The following NDUFA13 variants were observed in gnomAD, a reference collection of about 807,000 sequenced individuals.
The protein encoded by NDUFA13 is NADH:ubiquinone oxidoreductase subunit A13, also known as NADH dehydrogenase [ubiquinone] 1 alpha subcomplex subunit 13.
In NDUFA13, 16 loss-of-function variants were observed where a neutral mutation model predicts 17.0. That is an observed-to-expected ratio of 0.94 (90% CI 0.64 to 1.43). The LOEUF (loss-of-function observed/expected upper bound fraction) is 1.43, where lower values mean the gene tolerates loss of function less well. Among genes scored for constraint, NDUFA13 ranks in the 40% most tolerant of loss-of-function variants. NDUFA13 has a pLI of 0.00. For missense variants in NDUFA13, 228 were observed against 206.7 expected (o/e 1.10, Z -0.63); for synonymous variants, 87 against 78.4 (o/e 1.11, Z -0.58).
chr19:19,527,162 G>GCCGCCCCCC, intron 2 of NDUFA13, 119 bp from the exon 3 acceptor site: 1 of 837,466 alleles, frequency 1.2e-6, no homozygotes, highest in Non-Finnish European at 1.8e-6. Context: ...CCCCCTGCCT[G>GCCGCCCCCC]CCTCCCCGCC....
intron 2 of NDUFA13, 194 bp downstream of exon 2, chr19:19,526,454 A>T: frequency 3.0e-6 from 2 of 656,308 alleles, no homozygotes; most frequent in Non-Finnish European, 2.7e-6. Context: ...AGATGTCTCC[A>T]TGTCTGCAAT....
At chr19:19,517,217 G>A (rs571884458) in intron 1 of NDUFA13, among the ~76,000 whole-genome samples, 18 of 151,762 alleles carry the variant, frequency 1.2e-4, no homozygotes, top group Non-Finnish European at 2.6e-4. Flanking sequence ...ACTTTTAAAC[G>A]TAATCTAAGA....
In NDUFA13 at chr19:19,528,077, C is replaced by G. The variant is rs1162860197; in HGVS notation, c.386C>G (p.Thr129Ser). The G allele has an allele frequency of 6.2e-7, 1 of 1,612,046 alleles. No individual in the cohort carries two copies. The highest frequency in any genetic ancestry group is 1.7e-5 in the Admixed American group (1 of 59,986). ...ATCGGGGAGCTGTACGGGCTGCGCA[C>G]CACAGAGGAGGCTCTCCATGCCAGC... is the stretch of plus-strand genomic sequence containing the variant. ...PLIGELYGLR[T>S]TEEALHASHG... The change falls in exon 5 of 5, where the codon ACC (threonine) becomes AGC (serine). Residue 129 changes from threonine (T) to serine (S), a missense_variant. Transcript: ENST00000507754.
At chr19:19,521,641 C>T (rs1052166353) in intron 1 of NDUFA13, among the ~76,000 whole-genome samples, 5 of 12,316 alleles carry the variant, frequency 4.1e-4, no homozygotes, top group South Asian at 1.8e-3. Flanking sequence ...CTTGCTCTGT[C>T]GCCCGGGCTG....
intron 1 of NDUFA13, among the ~76,000 whole-genome samples, chr19:19,523,655 G>A (rs1191512114): frequency 3.9e-5 from 6 of 152,166 alleles, no homozygotes; most frequent in Admixed American, 2.6e-4. Context: ...GGCCGGGCAT[G>A]GTGGCTCATG....
At chr19:19,516,749 C>T (rs1201492556) in intron 1 of NDUFA13, among the ~76,000 whole-genome samples, 1 of 152,192 alleles carries the variant, frequency 6.6e-6, no homozygotes, top group East Asian at 1.9e-4. Context: ...TGGCAGCCCC[C>T]GCCTGCATGG....
chr19:19,527,807 G>T (rs746796880), intron 4 of NDUFA13, 37 bp downstream of exon 4: 2 of 1,541,688 alleles, frequency 1.3e-6, no homozygotes, highest in Non-Finnish European at 1.8e-6. Flanking sequence ...TGCCAGCCAC[G>T]GCAGAGACAG....
rs2061048925 is a variant in NDUFA13 at position 19,516,396 on chromosome 19, G to A, written c.94+64G>A. 2.6e-6 allele frequency: 4 copies of A among 1,556,736 alleles called. No homozygotes were observed. In the African/African-American group the frequency reaches 4.1e-5, roughly 16 times the overall value. On this transcript the variant is annotated intron_variant, in intron 1 of 4. Transcript: ENST00000507754. Reference sequence around the variant, plus strand: ...ACTCGGGGCTCGGGGGCGGGGTTCCGGGGACACAGGCGGGCCTCAGTTTTC... The same window carrying A: ...ACTCGGGGCTCGGGGGCGGGGTTCCAGGGACACAGGCGGGCCTCAGTTTTC...
chr19:19,524,148 C>G (rs1185530834), intron 1 of NDUFA13, among the ~76,000 whole-genome samples: 1 of 152,164 alleles, frequency 6.6e-6, no homozygotes, highest in Non-Finnish European at 1.5e-5. Flanking sequence ...TCCACACACC[C>G]TTTTGTGCGT....
intron 1 of NDUFA13, among the ~76,000 whole-genome samples, chr19:19,521,602 T>C (rs1248686694): frequency 6.6e-6 from 1 of 152,290 alleles, no homozygotes; most frequent in Non-Finnish European, 1.5e-5. Context: ...TTTTGTTTGT[T>C]TGTTCGTTTG....
intron 1 of NDUFA13, 148 bp downstream of exon 1, chr19:19,516,480 A>C: frequency 1.2e-6 from 1 of 860,046 alleles, no homozygotes; most frequent in South Asian, 1.4e-5. Context: ...TAATAACGCT[A>C]AGTGCTGCAG....
At chr19:19,527,883 C>T in intron 4 of NDUFA13, 113 bp downstream of exon 4, 1 of 1,472,548 alleles carries the variant, frequency 6.8e-7, no homozygotes, top group Non-Finnish European at 9.3e-7. Context: ...GTGGTGGGTG[C>T]CAGGTCCCAC....
intron 1 of NDUFA13, among the ~76,000 whole-genome samples, chr19:19,525,685 C>T (rs946316275): frequency 6.6e-6 from 1 of 152,168 alleles, no homozygotes; most frequent in Non-Finnish European, 1.5e-5. Context: ...TTCATGATGG[C>T]CTAGGTCCTT....
At chr19:19,527,897 G>A (rs766522532) in intron 4 of NDUFA13, 110 bp from the exon 5 acceptor site, 34 of 1,498,728 alleles carry the variant, frequency 2.3e-5, no homozygotes, top group Admixed American at 9.4e-5. Flanking sequence ...GTCCCACAAG[G>A]GAAGGCTGTA....
At chr19:19,526,967 C>A (rs1227488033) in intron 2 of NDUFA13, among the ~76,000 whole-genome samples, 1 of 152,126 alleles carries the variant, frequency 6.6e-6, no homozygotes, top group Non-Finnish European at 1.5e-5. Context: ...ATGAAGTCAC[C>A]CCCTCTTCGT....
In NDUFA13 at chr19:19,520,970, G is replaced by A. The variant is rs200615039; in HGVS notation, c.94+4638G>A. Among the ~76,000 whole-genome samples the A allele has an allele frequency of 4.6e-5, 7 of 152,212 alleles. No homozygotes were observed. The East Asian group carries it at 1.3e-3, about 29-fold the overall frequency. On this transcript the variant is annotated intron_variant, in intron 1 of 4. Coordinates refer to ENST00000507754, the MANE Select transcript of NDUFA13 (RefSeq NM_015965.7). Reference sequence around the variant, plus strand: ...TCTTTGGCTGCTGTGAATAATGTGAGTATGGCTGCCATGAAGATTCATGCT... The same window carrying A: ...TCTTTGGCTGCTGTGAATAATGTGAATATGGCTGCCATGAAGATTCATGCT...
At chr19:19,527,915 C>CCACG in intron 4 of NDUFA13, 92 bp from the exon 5 acceptor site, 3 of 1,527,034 alleles carry the variant, frequency 2.0e-6, no homozygotes, top group Non-Finnish European at 2.7e-6. Flanking sequence ...GTAGCGCCTG[C>CCACG]CACGCACAGG....
chr19:19,526,229 T>G lies in NDUFA13; in HGVS notation c.142T>G (p.Trp48Gly). 6.2e-7 allele frequency: 1 copy of G among 1,614,146 alleles called. No individual in the cohort carries two copies. Residue 48 changes from tryptophan to glycine, a missense_variant, in exon 2 of 5, where the codon TGG becomes GGG. Physicochemically the swap from Trp to Gly is radical, Grantham distance 184. Coordinates refer to ENST00000507754, the MANE Select transcript of NDUFA13 (RefSeq NM_015965.7). ...GATTGGAACCCTGATCTACGGGCAC[T>G]GGAGCATAATGAAGTGGAACCGTGA... ...IGIGTLIYGHWSIMKWNRERR... is the reference protein window; with the variant it reads ...IGIGTLIYGHGSIMKWNRERR...
At position 19,527,239 on chromosome 19, in the gene NDUFA13, C is replaced by T. The variant is rs373629450; in HGVS notation, c.174-42C>T. ...TCTGTGCTGCCTGTGCTCCCCCGAC[C>T]TAGCCTGGTCTGACCTGAGTGTGGG... On this transcript the variant is annotated intron_variant, in intron 2 of 4. Coordinates refer to ENST00000507754, the MANE Select transcript of NDUFA13 (RefSeq NM_015965.7). The T allele has an allele frequency of 8.7e-5, 141 of 1,612,436 alleles. No homozygotes were observed. The African/African-American group carries it at 1.7e-3, about 20-fold the overall frequency.
Sources: allele counts gnomAD v4.1 joint callset (sites outside exome capture counted in the v4.1 genomes callset), GRCh38; gene constraint gnomAD v4.1.1; transcripts MANE v1.5; gene names NCBI Gene and HGNC (gene_info 2026-07-23, HGNC 2026-07-21).